The following PTPRC variants were observed in gnomAD, a reference collection of about 807,000 sequenced individuals.
The protein encoded by PTPRC is receptor-type tyrosine-protein phosphatase C.
A neutral mutation model predicts 155.9 loss-of-function variants in PTPRC; 44 were observed. That is an observed-to-expected ratio of 0.28 (90% CI 0.22 to 0.36). The LOEUF (loss-of-function observed/expected upper bound fraction) is 0.36. PTPRC is among the 10% of genes least tolerant of loss of function. The pLI is 1.00. For missense variants in PTPRC, 1,401 were observed against 1,564.6 expected, an observed-to-expected ratio of 0.90 and a Z score of 1.76; for synonymous variants, 525 against 533.1, an observed-to-expected ratio of 0.98 and a Z score of 0.21.
At chr1:198,712,929 A>C (rs187490779) in intron 11 of PTPRC, 24 bp from the exon 12 acceptor site, 12 of 1,602,402 alleles carry the variant, frequency 7.5e-6, no homozygotes, top group Non-Finnish European at 9.4e-6. Context: ...TTCATATTAC[A>C]TAACATTCTT....
chr1:198,693,944 T>A (rs1486527648), intron 3 of PTPRC: 1 of 1,477,988 alleles, frequency 6.8e-7, no homozygotes, highest in Non-Finnish European at 9.0e-7. Flanking sequence ...GGGACAGAAC[T>A]AATAGGTTAG....
chr1:198,692,818 C>G (rs941063351), intron 3 of PTPRC: 1 of 903,868 alleles, frequency 1.1e-6, no homozygotes, highest in East Asian at 1.2e-4. Context: ...CAATGGTATG[C>G]AAAACCTTTG....
chr1:198,666,468 T>C (rs1355036830), intron 2 of PTPRC, among the ~76,000 whole-genome samples: 1 of 151,888 alleles, frequency 6.6e-6, no homozygotes, highest in Non-Finnish European at 1.5e-5. Flanking sequence ...ATAAAGAAAA[T>C]AAAGAAATAA....
Position 198,755,925 on chromosome 1 carries a change from A to G in PTPRC, c.3665A>G (p.Tyr1222Cys). 1.2e-6 allele frequency: 2 copies of G among 1,611,452 alleles called. No individual in the cohort carries two copies. The highest frequency in any genetic ancestry group is 1.7e-4 in the Middle Eastern group (1 of 6,054). The change falls in exon 33 of 33, where the codon TAT becomes TGT. Residue 1222 changes from tyrosine to cysteine, a missense_variant. Transcript: ENST00000442510. ...VSTFEQYQFL[Y>C]DVIASTYPAQ... ...TACTAGGAGCAATATCAATTCCTAT[A>G]TGACGTCATTGCCAGCACCTACCCT...
intron 12 of PTPRC, among the ~76,000 whole-genome samples, chr1:198,715,372 C>G (rs191933656): frequency 6.6e-6 from 1 of 151,916 alleles, no homozygotes; most frequent in African/African-American, 2.4e-5. Flanking sequence ...TGATCCGATC[C>G]GCCCGCCTCG....
At position 198,756,144 on chromosome 1, in the gene PTPRC, A is replaced by G. The variant is rs754595812; in HGVS notation, c.3884A>G (p.Asn1295Ser). 1.2e-6 allele frequency: 2 copies of G among 1,613,232 alleles called. No individual in the cohort carries two copies. Among genetic ancestry groups the G allele is most frequent in the African/African-American group, 1.3e-5 (1 of 74,870 alleles). ...SGTEGPEHSV[N>S]GPASPALNQG... ...ACTGAGGGGCCAGAACATTCTGTCA[A>G]TGGTCCTGCAAGTCCAGCTTTAAAT... The change falls in exon 33 of 33, where the codon AAT becomes AGT. Residue 1295 changes from asparagine (N) to serine (S), a missense_variant. Around this residue, in one of 3 missense-constraint regions of PTPRC, gnomAD observed 400 missense variants for 389.5 expected, o/e 1.03. Coordinates refer to ENST00000442510, the MANE Select transcript of PTPRC (RefSeq NM_002838.5).
intron 12 of PTPRC, among the ~76,000 whole-genome samples, chr1:198,714,686 C>T (rs982970983): frequency 6.6e-6 from 1 of 152,162 alleles, no homozygotes; most frequent in Non-Finnish European, 1.5e-5. Flanking sequence ...AAACATATAC[C>T]TGTCTCCTCT....
At position 198,646,166 on chromosome 1, in the gene PTPRC, T is replaced by A. The variant is rs528918089; in HGVS notation, c.73+6825T>A. Among the ~76,000 whole-genome samples, 5 of 151,926 alleles carry A rather than the reference T, an allele frequency of 3.3e-5. No individual in the cohort carries two copies. The East Asian group carries it at 9.7e-4, about 29-fold the overall frequency. The stretch of plus-strand genomic sequence containing the variant: ...GACCAATTTAATTCCCTGATGATTA[T>A]ATATATATTACCTAGTGAAATCCTT... On this transcript the variant is annotated intron_variant, in intron 2 of 32. Transcript: ENST00000442510.
intron 23 of PTPRC, among the ~76,000 whole-genome samples, chr1:198,737,673 G>A (rs1654712719): frequency 6.6e-6 from 1 of 151,492 alleles, no homozygotes; most frequent in South Asian, 2.1e-4. Flanking sequence ...ATAAATATTA[G>A]GATTATTTTT....
chr1:198,705,417 G>A (rs537556088), intron 8 of PTPRC, among the ~76,000 whole-genome samples: 4 of 148,046 alleles, frequency 2.7e-5, no homozygotes, highest in East Asian at 2.0e-4. Flanking sequence ...TCTTTCATTC[G>A]TTAGTTCTTT....
intron 2 of PTPRC, among the ~76,000 whole-genome samples, chr1:198,667,417 C>A (rs1664385278): frequency 6.6e-6 from 1 of 152,008 alleles, no homozygotes; most frequent in Non-Finnish European, 1.5e-5. Flanking sequence ...TATATTAGGC[C>A]TTTTATCTGA....
At chr1:198,748,610 C>G (rs914679047) in intron 27 of PTPRC, among the ~76,000 whole-genome samples, 2 of 151,598 alleles carry the variant, frequency 1.3e-5, no homozygotes, top group African/African-American at 4.8e-5. Context: ...CTTTTTATCC[C>G]TTATAACTGG....
At chr1:198,697,194 A>G (rs1391583310) in intron 4 of PTPRC, among the ~76,000 whole-genome samples, 1 of 152,190 alleles carries the variant, frequency 6.6e-6, no homozygotes. Context: ...CACACTCGCC[A>G]TGATTCTCCC....
rs553398379 is a variant in PTPRC at position 198,757,046 on chromosome 1, G to T, written c.*865G>T. On this transcript the variant is annotated 3_prime_UTR_variant, in exon 33 of 33. Coordinates refer to ENST00000442510, the MANE Select transcript of PTPRC (RefSeq NM_002838.5). ...TAATATTCATTGTATAAAAATAGAAGAATACAAACATATTTGTTAAATATT... is the reference window on the plus strand; with the variant it reads ...TAATATTCATTGTATAAAAATAGAATAATACAAACATATTTGTTAAATATT... 1 of 151,596 alleles carries T rather than the reference G, an allele frequency of 6.6e-6. No individual in the cohort carries two copies. The highest frequency in any genetic ancestry group is 2.4e-5 in the African/African-American group (1 of 41,332). The allele number at this position is 151,596 out of a possible 1,614,324, so 9.4% of individuals were successfully genotyped here. A position where few individuals can be genotyped will look rare whatever the true frequency, so the allele number is the denominator to read the frequency against.
In PTPRC at chr1:198,741,955, G is replaced by C. The variant is rs146402228; in HGVS notation, c.2490G>C (p.Leu830Phe). 4.1e-4 allele frequency: 665 copies of C among 1,612,080 alleles called. No individual in the cohort carries two copies. The highest frequency in any genetic ancestry group is 5.4e-4 in the Non-Finnish European group (638 of 1,178,992). Reference protein sequence around the residue: ...PDHGVPEDPHLLLKLRRRVNA... With the variant: ...PDHGVPEDPHFLLKLRRRVNA... ...ACGGGGTGCCTGAGGATCCTCACTT[G>C]CTCCTCAAACTGAGAAGGAGAGTGA... Residue 830 changes from leucine to phenylalanine, a missense_variant, in exon 24 of 33, where the codon TTG (leucine) becomes TTC (phenylalanine). Physicochemically the swap from Leu to Phe is conservative, Grantham distance 22 (BLOSUM62 0). Coordinates refer to ENST00000442510, the MANE Select transcript of PTPRC (RefSeq NM_002838.5).
In PTPRC at chr1:198,731,729, G is replaced by A; in HGVS notation, c.1974+3G>A. The A allele has an allele frequency of 6.3e-7, 1 of 1,579,900 alleles. No homozygotes were observed. Among genetic ancestry groups the A allele is most frequent in the Non-Finnish European group, 8.7e-7 (1 of 1,149,512 alleles). ...GACTTTTTCTGGCTGAATTTCAGGT[G>A]TGTGTTGCTTTTGTTATATGATGAT... On this transcript the variant is annotated splice_donor_region_variant and intron_variant, in intron 18 of 32. Transcript: ENST00000442510.
At chr1:198,708,305 ATGT>A (rs1558012581) in intron 10 of PTPRC, 44 bp downstream of exon 10, 1 of 1,553,680 alleles carries the variant, frequency 6.4e-7, no homozygotes, top group Admixed American at 1.7e-5. Flanking sequence ...TTGTGGCACA[ATGT>A]TGTTCTAGAT....
intron 2 of PTPRC, among the ~76,000 whole-genome samples, chr1:198,646,450 G>C (rs539313231): frequency 1.1e-4 from 16 of 151,856 alleles, no homozygotes; most frequent in Admixed American, 3.3e-4. Flanking sequence ...TCTGTGTGTA[G>C]TTTTGGCTAC....
chr1:198,694,150 A>C, intron 3 of PTPRC: 1 of 1,521,748 alleles, frequency 6.6e-7, no homozygotes, highest in Non-Finnish European at 8.8e-7. Flanking sequence ...AGTAAGTCCA[A>C]GAGTCCAAAA....
Sources: allele counts gnomAD v4.1 joint callset (sites outside exome capture counted in the v4.1 genomes callset), GRCh38; gene constraint gnomAD v4.1.1; regional missense constraint gnomAD v4.1.1; transcripts MANE v1.5; gene names NCBI Gene and HGNC (gene_info 2026-07-23, HGNC 2026-07-21).